The following CAMTA1 variants were observed in gnomAD, a reference collection of about 807,000 sequenced individuals.
CAMTA1 encodes calmodulin binding transcription activator 1.
Under a neutral mutation model 170.9 loss-of-function variants are expected in CAMTA1, and 27 were observed. The ratio of observed to expected loss-of-function variants is 0.16; its 90% CI spans 0.12 to 0.22. The LOEUF (loss-of-function observed/expected upper bound fraction) is 0.22, where lower values mean the gene tolerates loss of function less well. CAMTA1 is among the 10% of genes least tolerant of loss of function. The probability of loss-of-function intolerance (pLI) is 1.00; values close to 1 mark genes in which losing one functional copy is unlikely to be tolerated. For missense variants in CAMTA1, 1,619 were observed against 2,217.2 expected (o/e 0.73, Z 5.42); for synonymous variants, 833 against 891.5 (o/e 0.93, Z 1.17).
At chr1:7,314,915 G>A (rs1557499271) in intron 5 of CAMTA1, among the ~76,000 whole-genome samples, 1 of 152,178 alleles carries the variant, frequency 6.6e-6, no homozygotes, top group Non-Finnish European at 1.5e-5. Flanking sequence ...GTCCCAAAGA[G>A]ATTACAAAAG....
chr1:7,654,252 A>G (rs1034569024), intron 7 of CAMTA1, among the ~76,000 whole-genome samples: 2 of 151,956 alleles, frequency 1.3e-5, no homozygotes, highest in African/African-American at 4.8e-5. Flanking sequence ...GTGGTGGCGC[A>G]CACCTGTAGT....
chr1:7,198,819 G>A (rs554223400), intron 4 of CAMTA1, among the ~76,000 whole-genome samples: 49 of 152,210 alleles, frequency 3.2e-4, no homozygotes, highest in African/African-American at 1.0e-3. Flanking sequence ...CTTGCACACC[G>A]CTGCTCCATT....
At chr1:7,297,997 CA>C (rs1471847716) in intron 5 of CAMTA1, among the ~76,000 whole-genome samples, 1 of 152,218 alleles carries the variant, frequency 6.6e-6, no homozygotes, top group African/African-American at 2.4e-5. Context: ...TCACCCTTGT[CA>C]GCGGCAGTTC....
chr1:7,370,249 G>A (rs2086337771), intron 5 of CAMTA1: 1 of 152,256 alleles, frequency 6.6e-6, no homozygotes, highest in Non-Finnish European at 1.5e-5. Flanking sequence ...AAACTCAGAA[G>A]TCAATTGACT....
At chr1:7,326,615 T>A (rs1222954276) in intron 5 of CAMTA1, among the ~76,000 whole-genome samples, 1 of 152,072 alleles carries the variant, frequency 6.6e-6, no homozygotes, top group Non-Finnish European at 1.5e-5. Context: ...ATGATGCAAC[T>A]CAAGCCAAGG....
intron 6 of CAMTA1, among the ~76,000 whole-genome samples, chr1:7,614,318 C>T (rs1319557484): frequency 6.6e-6 from 1 of 152,074 alleles, no homozygotes; most frequent in Non-Finnish European, 1.5e-5. Context: ...CGTGGAGCTT[C>T]CCATTCTAGC....
At chr1:6,832,731 T>A (rs944263496) in intron 3 of CAMTA1, among the ~76,000 whole-genome samples, 23 of 152,190 alleles carry the variant, frequency 1.5e-4, no homozygotes, top group Admixed American at 9.8e-4. Context: ...GGCTAGTGGT[T>A]TGAACGGTCC....
chr1:7,129,919 T>TTG (rs3058550), intron 4 of CAMTA1, among the ~76,000 whole-genome samples: 13,752 of 147,024 alleles, frequency 0.094, 698 homozygotes, highest in Non-Finnish European at 0.12. Context: ...CTACCTTCTT[T>TTG]TGTGTGTGTG....
chr1:6,804,176 C>CTTTT (rs889875577), intron 1 of CAMTA1, among the ~76,000 whole-genome samples: 3 of 116,462 alleles, frequency 2.6e-5, no homozygotes, highest in Non-Finnish European at 5.4e-5. Context: ...GAGCGAAACT[C>CTTTT]TTTTTTTTTT....
chr1:7,176,084 G>A (rs1650753926), intron 4 of CAMTA1, among the ~76,000 whole-genome samples: 1 of 152,176 alleles, frequency 6.6e-6, no homozygotes, highest in African/African-American at 2.4e-5. Context: ...TCTGACCTCA[G>A]ATTCCTCCTC....
At chr1:7,284,466 T>C (rs985035829) in intron 5 of CAMTA1, among the ~76,000 whole-genome samples, 1 of 152,132 alleles carries the variant, frequency 6.6e-6, no homozygotes, top group Non-Finnish European at 1.5e-5. Flanking sequence ...CCTCCCAAAG[T>C]GCTGGGATTA....
At chr1:6,835,937 T>A (rs919731431) in intron 3 of CAMTA1, among the ~76,000 whole-genome samples, 61 of 152,310 alleles carry the variant, frequency 4.0e-4, no homozygotes, top group African/African-American at 1.5e-3. Flanking sequence ...TTTCAATGTT[T>A]TTTGAAAGGG....
At chr1:6,936,403 T>C (rs909443797) in intron 3 of CAMTA1, among the ~76,000 whole-genome samples, 1 of 152,138 alleles carries the variant, frequency 6.6e-6, no homozygotes, top group Non-Finnish European at 1.5e-5. Flanking sequence ...GAGATGATGC[T>C]GAGTGTTTCT....
chr1:7,314,760 G>A (rs963912860), intron 5 of CAMTA1, among the ~76,000 whole-genome samples: 3 of 152,172 alleles, frequency 2.0e-5, no homozygotes, highest in African/African-American at 7.2e-5. Flanking sequence ...GACAGTTACA[G>A]AGTTCCCCCT....
intron 3 of CAMTA1, among the ~76,000 whole-genome samples, chr1:6,981,900 T>A (rs1030475936): frequency 6.6e-6 from 1 of 152,042 alleles, no homozygotes; most frequent in Non-Finnish European, 1.5e-5. Context: ...CACTAATTTT[T>A]AAATTGTTTT....
At chr1:7,250,729 T>C (rs996827825) in intron 5 of CAMTA1, among the ~76,000 whole-genome samples, 11 of 152,204 alleles carry the variant, frequency 7.2e-5, no homozygotes, top group African/African-American at 2.7e-4. Flanking sequence ...GACTTTTGTT[T>C]TATGTTTTTT....
intron 7 of CAMTA1, among the ~76,000 whole-genome samples, chr1:7,653,970 GAC>G (rs1403540656): frequency 2.0e-5 from 3 of 152,166 alleles, no homozygotes; most frequent in African/African-American, 7.2e-5. Flanking sequence ...GGCCCCTTAG[GAC>G]ACAGGTGCTG....
At position 7,592,178 on chromosome 1, in the gene CAMTA1, C is replaced by T. The variant is rs572812677; in HGVS notation, c.511-48222C>T. ...CCTCCCAAAGTGCTAGGATTACAGG[C>T]ATGAGCCACCGCACCCAGCCACTTT... On this transcript the variant is annotated intron_variant, in intron 6 of 22. Coordinates refer to ENST00000303635, the MANE Select transcript of CAMTA1 (RefSeq NM_015215.4). This position sits in a 1 kb window ranked among gnomAD's most constrained non-coding sequence, Gnocchi z 4.6. Among the ~76,000 whole-genome samples, 6 of 152,332 alleles carry T rather than the reference C, an allele frequency of 3.9e-5. No homozygotes were observed. In the South Asian group the frequency reaches 1.2e-3, roughly 32 times the overall value.
intron 6 of CAMTA1, among the ~76,000 whole-genome samples, chr1:7,636,423 G>C (rs529331527): frequency 1.3e-5 from 2 of 152,318 alleles, no homozygotes; most frequent in South Asian, 2.1e-4. Flanking sequence ...CCTGTGTTTA[G>C]AAAGGCTTCC....
Sources: gnomAD v4.1 joint callset for allele counts (sites outside exome capture counted in the v4.1 genomes callset) on GRCh38, gnomAD v4.1.1 for gene constraint, Gnocchi (gnomAD v3.1) non-coding constraint, MANE v1.5 for transcripts, NCBI Gene and HGNC (gene_info 2026-07-23, HGNC 2026-07-21) for gene names.